DHDDS: variants seen among roughly 807,000 people sequenced by gnomAD.
DHDDS encodes the protein dehydrodolichyl diphosphate synthase complex subunit DHDDS.
In DHDDS, 16 loss-of-function variants were observed where a neutral mutation model predicts 46.2. That is an observed-to-expected ratio of 0.35 (90% CI 0.23 to 0.53). The LOEUF (loss-of-function observed/expected upper bound fraction) is 0.53, where lower values mean the gene tolerates loss of function less well. Ranked by LOEUF, DHDDS falls within the 20% of genes least tolerant of loss-of-function variation. The probability of loss-of-function intolerance (pLI) is 0.94; values close to 1 mark genes in which losing one functional copy is unlikely to be tolerated. For synonymous variants in DHDDS, 151 were observed against 163.1 expected, an observed-to-expected ratio of 0.93 and a Z score of 0.56; for missense variants, 340 against 423.7, an observed-to-expected ratio of 0.80 and a Z score of 1.73.
At chr1:26,447,746 T>G (rs769252429) in intron 6 of DHDDS, 86 bp downstream of exon 6, 3 of 1,265,196 alleles carry the variant, frequency 2.4e-6, no homozygotes, top group Non-Finnish European at 3.4e-6. Flanking sequence ...CCTAGCACAT[T>G]AGGAGGCCGA....
intron 3 of DHDDS, 133 bp downstream of exon 3, chr1:26,438,417 C>T (rs970915131): frequency 1.2e-6 from 1 of 865,044 alleles, no homozygotes; most frequent in African/African-American, 1.7e-5. Flanking sequence ...TGTTTGCTTG[C>T]TAGCTATAGA....
intron 4 of DHDDS, among the ~76,000 whole-genome samples, chr1:26,444,217 A>G (rs2075245221): frequency 6.6e-6 from 1 of 152,224 alleles, no homozygotes; most frequent in Non-Finnish European, 1.5e-5. Flanking sequence ...CAAAAGCAAG[A>G]AGAAACTCAG....
rs760975808 is a variant in DHDDS at position 26,442,809 on chromosome 1, A to G, written c.259A>G (p.Lys87Glu). The change falls in exon 4 of 9, where the codon AAG (lysine) becomes GAG (glutamate). Residue 87 changes from lysine to glutamate, a missense_variant. This residue lies in a region of DHDDS where 72 missense variants were observed against 123.5 expected (regional missense o/e 0.58). Coordinates refer to ENST00000236342, the MANE Select transcript of DHDDS (RefSeq NM_205861.3). ...AFSIENFKRSKSEVDGLMDLA... is the reference protein window; with the variant it reads ...AFSIENFKRSESEVDGLMDLA... ...CAGCATTGAGAACTTCAAACGCTCC[A>G]AGAGTGAGGTAGACGGGCTTATGGA... 6.2e-7 allele frequency: 1 copy of G among 1,614,178 alleles called. No homozygotes were observed. The highest frequency in any genetic ancestry group is 1.7e-5 in the Admixed American group (1 of 60,000).
intron 3 of DHDDS, among the ~76,000 whole-genome samples, chr1:26,440,828 C>G (rs1422945036): frequency 2.6e-5 from 4 of 152,166 alleles, no homozygotes; most frequent in Non-Finnish European, 5.9e-5. Flanking sequence ...CGTTTAACCT[C>G]CCGCTCTCCA....
At chr1:26,457,768 T>C (rs570459750) in intron 6 of DHDDS, 23 bp from the exon 7 acceptor site, 5 of 1,550,626 alleles carry the variant, frequency 3.2e-6, no homozygotes, top group Non-Finnish European at 3.6e-6. Flanking sequence ...GTGCCTCTCT[T>C]TGTCTCTTCT....
Position 26,457,644 on chromosome 1 carries a change from G to T in DHDDS, c.543-147G>T. ...TTCATTAATTTAGCAAACATTTTTT[G>T]AGGGCCTTCTGTGTAGTATTGGCTA... On this transcript the variant is annotated intron_variant, in intron 6 of 8. Transcript: ENST00000236342. The T allele has an allele frequency of 2.2e-5, 13 of 587,656 alleles. No individual in the cohort carries two copies. The highest frequency in any genetic ancestry group is 3.1e-5 in the Non-Finnish European group (10 of 324,168). 36.4% of individuals were successfully genotyped at this position (587,656 alleles called of 1,614,324 possible). A position where few individuals can be genotyped will look rare whatever the true frequency, so the allele number is the denominator to read the frequency against.
intron 6 of DHDDS, chr1:26,455,063 C>T (rs2075358155): frequency 3.2e-6 from 3 of 941,474 alleles, no homozygotes; most frequent in Admixed American, 1.7e-5. Flanking sequence ...CATGGCTTTT[C>T]GTATATGCAT....
chr1:26,446,266 T>G, intron 4 of DHDDS, 50 bp from the exon 5 acceptor site: 1 of 1,580,006 alleles, frequency 6.3e-7, no homozygotes, highest in Non-Finnish European at 8.7e-7. Flanking sequence ...CCTTGCTCTC[T>G]CCAGCTCAGC....
At chr1:26,449,986 A>G (rs1470179839) in intron 6 of DHDDS, among the ~76,000 whole-genome samples, 2 of 152,206 alleles carry the variant, frequency 1.3e-5, no homozygotes, top group Admixed American at 6.5e-5. Context: ...CAGAGATGTC[A>G]GGTCAACAGT....
intron 8 of DHDDS, chr1:26,467,401 AT>A: frequency 2.1e-6 from 1 of 466,602 alleles, no homozygotes; most frequent in Non-Finnish European, 4.5e-6. Flanking sequence ...CATGTAATTC[AT>A]TGTAATAGCA....
intron 8 of DHDDS, 97 bp from the exon 9 acceptor site, chr1:26,468,798 T>TG: frequency 6.0e-5 from 85 of 1,415,826 alleles, no homozygotes; most frequent in South Asian, 6.5e-5. Context: ...CCACTTCACT[T>TG]GGCCCACCCT....
chr1:26,438,649 C>T (rs2075185828), intron 3 of DHDDS: 1 of 302,862 alleles, frequency 3.3e-6, no homozygotes, highest in Admixed American at 4.7e-5. Context: ...TATCTGAGCC[C>T]AGGAAGCTTG....
At chr1:26,440,216 T>C (rs1312520556) in intron 3 of DHDDS, among the ~76,000 whole-genome samples, 1 of 152,164 alleles carries the variant, frequency 6.6e-6, no homozygotes, top group Non-Finnish European at 1.5e-5. Flanking sequence ...AGGGACACAG[T>C]TTGATGCCAG....
rs577693751 is a variant in DHDDS at position 26,470,822 on chromosome 1, G to A, written c.*1691G>A. 5 of 152,668 alleles carry A rather than the reference G, an allele frequency of 3.3e-5. No homozygotes were observed. Among genetic ancestry groups the A allele is most frequent in the Non-Finnish European group, 7.3e-5 (5 of 68,074 alleles). The allele number at this position is 152,668 out of a possible 1,614,324, so 9.5% of individuals were successfully genotyped here. A position where few individuals can be genotyped will look rare whatever the true frequency, so the allele number is the denominator to read the frequency against. On this transcript the variant is annotated 3_prime_UTR_variant, in exon 9 of 9. Transcript: ENST00000236342. Reference sequence around the variant, plus strand: ...ATAATTAGGGAGGCATGAATTATGCGGCTATAATGCAGAGCCCTACAATTA... The same window carrying A: ...ATAATTAGGGAGGCATGAATTATGCAGCTATAATGCAGAGCCCTACAATTA...
rs1177992575 is a variant in DHDDS at position 26,470,567 on chromosome 1, CTT to C, written c.*1437_*1438del. On this transcript the variant is annotated 3_prime_UTR_variant, in exon 9 of 9. Transcript: ENST00000236342. ...TAACTTTCCTATACCCCACCCGCCT[CTT>C]CCCCTTTCTGTCCCGGGATACCTGG... The C allele has an allele frequency of 3.9e-5, 6 of 152,716 alleles. No individual in the cohort carries two copies. Among genetic ancestry groups the C allele is most frequent in the Middle Eastern group, 3.4e-3 (1 of 294 alleles). 9.5% of individuals were successfully genotyped at this position (152,716 alleles called of 1,614,324 possible). A position where few individuals can be genotyped will look rare whatever the true frequency, so the allele number is the denominator to read the frequency against.
intron 5 of DHDDS, 27 bp from the exon 6 acceptor site, chr1:26,447,532 T>A (rs1420970944): frequency 6.3e-7 from 1 of 1,584,006 alleles, no homozygotes. Context: ...CCCCCTTTGG[T>A]AAATTATTCT....
At chr1:26,439,757 T>C (rs1347370566) in intron 3 of DHDDS, among the ~76,000 whole-genome samples, 1 of 152,210 alleles carries the variant, frequency 6.6e-6, no homozygotes, top group African/African-American at 2.4e-5. Context: ...ACAGAGGTCA[T>C]GAACATTTTA....
intron 7 of DHDDS, 80 bp downstream of exon 7, chr1:26,457,985 C>T: frequency 2.4e-6 from 3 of 1,242,450 alleles, no homozygotes; most frequent in Non-Finnish European, 3.5e-6. Context: ...AGTGGTCCAT[C>T]CCCACTCCCA....
intron 6 of DHDDS, among the ~76,000 whole-genome samples, chr1:26,451,890 A>C (rs1488457902): frequency 2.6e-5 from 4 of 151,656 alleles, no homozygotes; most frequent in African/African-American, 9.7e-5. Context: ...GGCCTCCCAA[A>C]GTGCTGGGAT....
Sources: gnomAD v4.1 joint callset for allele counts (sites outside exome capture counted in the v4.1 genomes callset) on GRCh38, gnomAD v4.1.1 for gene constraint, gnomAD v4.1.1 regional missense constraint, MANE v1.5 for transcripts, NCBI Gene and HGNC (gene_info 2026-07-23, HGNC 2026-07-21) for gene names.